Variants in CHIC1 observed in about 807,000 individuals in gnomAD.
CHIC1 encodes cysteine-rich hydrophobic domain-containing protein 1.
CHIC1 carries 7 observed loss-of-function variants against 18.5 expected under a neutral mutation model. The ratio of observed to expected loss-of-function variants is 0.38; its 90% CI spans 0.22 to 0.71. The LOEUF (loss-of-function observed/expected upper bound fraction) is 0.71, where lower values mean the gene tolerates loss of function less well. Among genes scored for constraint, CHIC1 ranks in the 30% least tolerant of loss-of-function variants. CHIC1 has a pLI of 0.49. For synonymous variants in CHIC1, 77 were observed against 73.5 expected, an observed-to-expected ratio of 1.05 and a Z score of -0.25; for missense variants, 159 against 176.9, an observed-to-expected ratio of 0.90 and a Z score of 0.57.
At chrX:73,584,301 T>C (rs1415282934) in intron 2 of CHIC1, 116 bp from the exon 3 acceptor site, 2 of 617,447 alleles carry the variant, frequency 3.2e-6, no homozygotes, top group African/African-American at 4.5e-5. Flanking sequence ...ATGGGGAATA[T>C]ATCTATTTAG....
rs1603351455 is a variant in CHIC1, at chrX:73,678,718, T to G, written c.508-608T>G. Reference sequence around the variant, plus strand: ...AGAAACTCAGTCTCTGTCCCCCTCTTTGCTACATTACTGCTTCTCTGATTT... The same window carrying G: ...AGAAACTCAGTCTCTGTCCCCCTCTGTGCTACATTACTGCTTCTCTGATTT... On this transcript the variant is annotated intron_variant, in intron 3 of 5. Coordinates refer to ENST00000373502, the MANE Select transcript of CHIC1 (RefSeq NM_001039840.4). Among the ~76,000 whole-genome samples the G allele has an allele frequency of 3.6e-5, 4 of 112,621 alleles. 1 individual carries two copies. In the Admixed American group the frequency reaches 3.7e-4, roughly 11 times the overall value.
chrX:73,686,797 C>A lies in CHIC1; in HGVS notation c.*5792C>A, dbSNP rs1379060807. ...CTGGTGGAGAAGCCTAGGATTTCAA[C>A]TTTTTGTCAGAGGATTCCTGTTGGG... On this transcript the variant is annotated 3_prime_UTR_variant, in exon 6 of 6. Coordinates refer to ENST00000373502, the MANE Select transcript of CHIC1 (RefSeq NM_001039840.4). 2 of 111,503 alleles carry A rather than the reference C, an allele frequency of 1.8e-5. No homozygotes were observed. Among genetic ancestry groups the A allele is most frequent in the Non-Finnish European group, 3.8e-5 (2 of 52,902 alleles). 9.2% of individuals were successfully genotyped at this position (111,503 alleles called of 1,213,427 possible).
chrX:73,639,455 C>G (rs780808693), intron 3 of CHIC1, among the ~76,000 whole-genome samples: 2 of 111,399 alleles, frequency 1.8e-5, no homozygotes, highest in Non-Finnish European at 3.8e-5. Flanking sequence ...TTAGTTTTCC[C>G]CATTTTGTAC....
intron 3 of CHIC1, among the ~76,000 whole-genome samples, chrX:73,655,505 TAC>T (rs2057941838): frequency 2.4e-5 from 2 of 81,653 alleles, no homozygotes; most frequent in East Asian, 3.8e-4. Context: ...TATATATATA[TAC>T]ATATATACAC....
At chrX:73,568,205 G>A (rs978853462) in intron 1 of CHIC1, among the ~76,000 whole-genome samples, 3 of 111,673 alleles carry the variant, frequency 2.7e-5, no homozygotes, top group Non-Finnish European at 5.7e-5. Context: ...GGCGTTTATG[G>A]CATGAGCTTA....
At chrX:73,616,684 A>G (rs2057734687) in intron 3 of CHIC1, among the ~76,000 whole-genome samples, 1 of 112,041 alleles carries the variant, frequency 8.9e-6, no homozygotes, top group Non-Finnish European at 1.9e-5. Context: ...GGAAGCTGCC[A>G]AGGCTTGGGG....
chrX:73,673,520 G>A (rs1290774388), intron 3 of CHIC1, among the ~76,000 whole-genome samples: 1 of 111,576 alleles, frequency 9.0e-6, no homozygotes, highest in Non-Finnish European at 1.9e-5. Context: ...ATTGTGAATG[G>A]GAGTTTACTC....
chrX:73,593,678 CTCTT>C (rs1485669718), intron 3 of CHIC1, among the ~76,000 whole-genome samples: 36 of 111,758 alleles, frequency 3.2e-4, no homozygotes, highest in African/African-American at 1.1e-3. Flanking sequence ...ATCTCTGAAA[CTCTT>C]TCTTGAGTTT....
At chrX:73,595,295 G>A (rs892510636) in intron 3 of CHIC1, among the ~76,000 whole-genome samples, 1 of 110,600 alleles carries the variant, frequency 9.0e-6, no homozygotes, top group African/African-American at 3.3e-5. Context: ...TCTACATTAG[G>A]TATTTGTCCT....
In CHIC1 at chrX:73,683,879, T is replaced by G. The variant is rs1674400588; in HGVS notation, c.*2874T>G. 8.9e-6 allele frequency: 1 copy of G among 111,887 alleles called. No homozygotes were observed. The highest frequency in any genetic ancestry group is 3.2e-5 in the African/African-American group (1 of 30,847). 9.2% of individuals were successfully genotyped at this position (111,887 alleles called of 1,213,427 possible). A position where few individuals can be genotyped will look rare whatever the true frequency, so the allele number is the denominator to read the frequency against. ...TGGGCAAGTGTTATTTACAGATTTA[T>G]TAACTCCATCCCAGATATGTCTCCA... On this transcript the variant is annotated 3_prime_UTR_variant, in exon 6 of 6. Coordinates refer to ENST00000373502, the MANE Select transcript of CHIC1 (RefSeq NM_001039840.4).
intron 3 of CHIC1, among the ~76,000 whole-genome samples, chrX:73,667,487 A>G (rs775670653): frequency 8.9e-6 from 1 of 111,760 alleles, no homozygotes; most frequent in Non-Finnish European, 1.9e-5. Context: ...GTGGCTGATG[A>G]CAGTTTTTCC....
chrX:73,610,114 CAT>C (rs2057700825), intron 3 of CHIC1, among the ~76,000 whole-genome samples: 1 of 109,282 alleles, frequency 9.2e-6, no homozygotes. Context: ...TTAGCTCCCA[CAT>C]GAGTGAGAAC....
chrX:73,620,788 G>T (rs774595426), intron 3 of CHIC1, among the ~76,000 whole-genome samples: 1 of 111,954 alleles, frequency 8.9e-6, no homozygotes, highest in Non-Finnish European at 1.9e-5. Context: ...CCTATGTCCT[G>T]AATGGTATTG....
In CHIC1 at chrX:73,684,626, C is replaced by A. The variant is rs1296468383; in HGVS notation, c.*3621C>A. ...TTTCACATAGTAGAAATACTTTTTG[C>A]TAATTTGATTATAAGTGCTCAAATT... On this transcript the variant is annotated 3_prime_UTR_variant, in exon 6 of 6. Transcript: ENST00000373502. The A allele has an allele frequency of 9.0e-6, 1 of 111,197 alleles. No individual in the cohort carries two copies. Among genetic ancestry groups the A allele is most frequent in the Non-Finnish European group, 1.9e-5 (1 of 52,823 alleles). The allele number at this position is 111,197 out of a possible 1,213,427, so 9.2% of individuals were successfully genotyped here.
At chrX:73,590,540 A>G (rs944282867) in intron 3 of CHIC1, among the ~76,000 whole-genome samples, 1 of 111,440 alleles carries the variant, frequency 9.0e-6, no homozygotes, top group Non-Finnish European at 1.9e-5. Flanking sequence ...TGGCAAGTGT[A>G]TAATGATATG....
intron 1 of CHIC1, 69 bp from the exon 2 acceptor site, chrX:73,577,338 T>C (rs1390865718): frequency 1.1e-6 from 1 of 892,622 alleles, no homozygotes; most frequent in Non-Finnish European, 1.6e-6. Context: ...TTTATAACTT[T>C]TTTTTAAAAA....
chrX:73,655,547 T>TAC (rs1556513448), intron 3 of CHIC1, among the ~76,000 whole-genome samples: 1 of 59,124 alleles, frequency 1.7e-5, no homozygotes, highest in South Asian at 8.0e-4. Flanking sequence ...TACATATATA[T>TAC]ACAATATTGT....
At chrX:73,568,709 TTAG>T (rs755755329) in intron 1 of CHIC1, among the ~76,000 whole-genome samples, 2 of 111,521 alleles carry the variant, frequency 1.8e-5, no homozygotes, top group South Asian at 7.4e-4. Context: ...TGCATAAAAA[TTAG>T]TAGAGACAGC....
At chrX:73,582,374 C>T (rs12009024) in intron 2 of CHIC1, among the ~76,000 whole-genome samples, 17,357 of 109,207 alleles carry the variant, frequency 0.16, 1,125 homozygotes, top group African/African-American at 0.2. Context: ...CCCAATGATT[C>T]CCTAGGAGAA....
Sources: gnomAD v4.1 joint callset for allele counts (sites outside exome capture counted in the v4.1 genomes callset) on GRCh38, gnomAD v4.1.1 for gene constraint, MANE v1.5 for transcripts, NCBI Gene and HGNC (gene_info 2026-07-23, HGNC 2026-07-21) for gene names.